Variants in DNAH6 observed in about 807,000 individuals in gnomAD.
The protein encoded by DNAH6 is axonemal beta dynein heavy chain 6.
In DNAH6, 340 loss-of-function variants were observed where a neutral mutation model predicts 491.4. The ratio of observed to expected loss-of-function variants is 0.69; its 90% CI spans 0.63 to 0.76. The LOEUF (loss-of-function observed/expected upper bound fraction) is 0.76, where lower values mean the gene tolerates loss of function less well. Ranked by LOEUF, DNAH6 falls within the 30% of genes least tolerant of loss-of-function variation. The pLI, the probability that DNAH6 is intolerant of heterozygous loss-of-function variation, is 0.00. For synonymous variants in DNAH6, 1,603 were observed against 1,686.1 expected, an observed-to-expected ratio of 0.95 and a Z score of 1.21; for missense variants, 4,443 against 4,972.2, an observed-to-expected ratio of 0.89 and a Z score of 3.20.
intron 37 of DNAH6, among the ~76,000 whole-genome samples, chr2:84,664,946 A>C (rs1351767574): frequency 1.3e-5 from 2 of 152,176 alleles, no homozygotes; most frequent in Non-Finnish European, 2.9e-5. Flanking sequence ...TAAGAAACTC[A>C]CTCAAGACCG....
rs1165267406 is a variant in DNAH6, at chr2:84,781,367, C to A, written c.10704-126C>A. ...AAATAAGGAAAACATACTTGTACTC[C>A]TATTGGAATGAGGATTCAAAATGTT... On this transcript the variant is annotated intron_variant, in intron 64 of 76. Coordinates refer to ENST00000389394, the MANE Select transcript of DNAH6 (RefSeq NM_001370.2). 3 of 808,642 alleles carry A rather than the reference C, an allele frequency of 3.7e-6. No individual in the cohort carries two copies. The African/African-American group carries it at 5.2e-5, about 14-fold the overall frequency. 50.1% of individuals were successfully genotyped at this position (808,642 alleles called of 1,614,324 possible).
upstream of DNAH6, among the ~76,000 whole-genome samples, chr2:84,512,284 C>T (rs1235194507): frequency 6.6e-6 from 1 of 152,066 alleles, no homozygotes; most frequent in East Asian, 1.9e-4. Flanking sequence ...AGTTGAGAGG[C>T]CAGTGGCATC....
chr2:84,604,322 G>C lies in DNAH6; in HGVS notation c.2869-17G>C, dbSNP rs147916094. On this transcript the variant is annotated splice_polypyrimidine_tract_variant and intron_variant, in intron 18 of 76. Coordinates refer to ENST00000389394, the MANE Select transcript of DNAH6 (RefSeq NM_001370.2). ...AAGATAAAAAGCTTCATGTCTCTGA[G>C]AGTGTTTGTTTTTCAGCTTCCAGTT... 605 of 1,539,278 alleles carry C rather than the reference G, an allele frequency of 3.9e-4. 2 individuals are homozygous for C. The African/African-American group carries it at 7.4e-3, about 19-fold the overall frequency.
At chr2:84,807,371 T>C (rs911369060) in intron 71 of DNAH6, among the ~76,000 whole-genome samples, 9 of 152,242 alleles carry the variant, frequency 5.9e-5, no homozygotes, top group African/African-American at 2.2e-4. Context: ...TTCCTTCCTC[T>C]TTCGTAGCTC....
At chr2:84,672,217 T>C in intron 39 of DNAH6, 110 bp from the exon 40 acceptor site, 1 of 1,108,792 alleles carries the variant, frequency 9.0e-7, no homozygotes, top group African/African-American at 1.6e-5. Context: ...AGAACTGAGC[T>C]CTTTATGACC....
At chr2:84,576,546 AG>A (rs1000651548) in intron 12 of DNAH6, among the ~76,000 whole-genome samples, 1 of 152,170 alleles carries the variant, frequency 6.6e-6, no homozygotes, top group African/African-American at 2.4e-5. Flanking sequence ...CTAAATTTTT[AG>A]AGGCCCAGAG....
At chr2:84,508,242 A>G in the DNAH6 span, among the ~76,000 whole-genome samples, 1 of 152,144 alleles carries the variant, frequency 6.6e-6, no homozygotes, top group Non-Finnish European at 1.5e-5. Flanking sequence ...CCTTAATTTC[A>G]GATCCTGTTA....
intron 64 of DNAH6, among the ~76,000 whole-genome samples, chr2:84,763,153 A>C (rs1040784743): frequency 1.3e-5 from 2 of 152,226 alleles, no homozygotes; most frequent in Non-Finnish European, 2.9e-5. Flanking sequence ...TAAGCAAAGG[A>C]GAAATTGCTT....
intron 37 of DNAH6, among the ~76,000 whole-genome samples, 196 bp downstream of exon 37, chr2:84,659,365 T>C (rs527393363): frequency 1.3e-5 from 2 of 152,188 alleles, no homozygotes; most frequent in South Asian, 4.1e-4. Flanking sequence ...CCAGTCATAT[T>C]AAAAAAGTAA....
chr2:84,760,448 C>G (rs1214527204), intron 63 of DNAH6, among the ~76,000 whole-genome samples: 3 of 151,952 alleles, frequency 2.0e-5, no homozygotes, highest in Non-Finnish European at 4.4e-5. Flanking sequence ...ACAAGGAACT[C>G]AACAACAATA....
chr2:84,784,744 T>C lies in DNAH6; in HGVS notation c.10887T>C (p.Phe3629=). The C allele has an allele frequency of 6.4e-7, 1 of 1,550,716 alleles. No individual in the cohort carries two copies. Among genetic ancestry groups the C allele is most frequent in the Non-Finnish European group, 8.7e-7 (1 of 1,146,198 alleles). The change falls in exon 66 of 77, where the codon TTT becomes TTC. Residue 3629 remains phenylalanine, a synonymous_variant. Coordinates refer to ENST00000389394, the MANE Select transcript of DNAH6 (RefSeq NM_001370.2). ...CAGATAGTGCTATCAAGGACACTTTTCGACTTTTTTTAAGCTCCATGCCTA... is the reference window on the plus strand; with the variant it reads ...CAGATAGTGCTATCAAGGACACTTTCCGACTTTTTTTAAGCTCCATGCCTA... The part of the protein sequence containing the change: ...TDPDSAIKDT[F]RLFLSSMPSN...
At chr2:84,774,522 C>T (rs1199538872) in intron 64 of DNAH6, among the ~76,000 whole-genome samples, 1 of 151,980 alleles carries the variant, frequency 6.6e-6, no homozygotes, top group African/African-American at 2.4e-5. Context: ...GTTCTTTTTA[C>T]ACGGGATTGC....
Position 84,701,192 on chromosome 2 carries a change from C to T in DNAH6, c.7914C>T (p.Cys2638=), listed in dbSNP as rs1416616350. 9 of 1,551,638 alleles carry T rather than the reference C, an allele frequency of 5.8e-6. No individual in the cohort carries two copies. Among genetic ancestry groups the T allele is most frequent in the East Asian group, 2.4e-5 (1 of 40,938 alleles). ...EELKEKLPLM[C]VNVHLSVSSM... Reference sequence around the variant, plus strand: ...TGAAAGAAAAGCTTCCCTTGATGTGCGTGAACGTTCACTTGAGTGTCTCCA... The same window carrying T: ...TGAAAGAAAAGCTTCCCTTGATGTGTGTGAACGTTCACTTGAGTGTCTCCA... Residue 2638 remains cysteine (C), a synonymous_variant, in exon 49 of 77, where the codon TGC becomes TGT. Coordinates refer to ENST00000389394, the MANE Select transcript of DNAH6 (RefSeq NM_001370.2).
chr2:84,531,133 G>A (rs1276247006), intron 4 of DNAH6, among the ~76,000 whole-genome samples: 1 of 152,144 alleles, frequency 6.6e-6, no homozygotes, highest in Non-Finnish European at 1.5e-5. Flanking sequence ...GGGGCTTCCA[G>A]GTCATAGGTA....
At chr2:84,606,443 C>T (rs1367748762) in intron 20 of DNAH6, among the ~76,000 whole-genome samples, 1 of 152,080 alleles carries the variant, frequency 6.6e-6, no homozygotes. Context: ...AATTCACATG[C>T]TCCGTGAGAG....
intron 3 of DNAH6, 70 bp from the exon 4 acceptor site, chr2:84,528,834 A>G (rs1376579974): frequency 4.3e-6 from 6 of 1,390,276 alleles, no homozygotes; most frequent in African/African-American, 1.5e-5. Flanking sequence ...CTTGAAGGTA[A>G]TATTTTGTTG....
the DNAH6 span, among the ~76,000 whole-genome samples, chr2:84,503,065 C>T: frequency 6.6e-6 from 1 of 151,916 alleles, no homozygotes; most frequent in Admixed American, 6.6e-5. Context: ...TTGTGGTCTT[C>T]CCTTCCTTCT....
At chr2:84,495,445 G>T in the DNAH6 span, among the ~76,000 whole-genome samples, 1 of 152,204 alleles carries the variant, frequency 6.6e-6, no homozygotes, top group Admixed American at 6.5e-5. Flanking sequence ...TTACAGGCAT[G>T]AGCCACTGCG....
At chr2:84,560,950 T>G (rs1209458848) in intron 11 of DNAH6, among the ~76,000 whole-genome samples, 1 of 151,694 alleles carries the variant, frequency 6.6e-6, no homozygotes, top group Non-Finnish European at 1.5e-5. Context: ...AGCAGCATGA[T>G]TTATAGTCCT....
Sources: allele counts gnomAD v4.1 joint callset (sites outside exome capture counted in the v4.1 genomes callset), GRCh38; gene constraint gnomAD v4.1.1; transcripts MANE v1.5; gene names NCBI Gene and HGNC (gene_info 2026-07-23, HGNC 2026-07-21).